The following CADPS variants were observed in gnomAD, a reference collection of about 807,000 sequenced individuals.
CADPS encodes the protein calcium-dependent secretion activator 1.
Under a neutral mutation model 167.3 loss-of-function variants are expected in CADPS, and 57 were observed. That is an observed-to-expected ratio of 0.34 (90% CI 0.28 to 0.42). The LOEUF is 0.42. Ranked by LOEUF, CADPS falls within the 20% of genes least tolerant of loss-of-function variation. The pLI, the probability that CADPS is intolerant of heterozygous loss-of-function variation, is 1.00. For synonymous variants in CADPS, 676 were observed against 635.3 expected, an observed-to-expected ratio of 1.06 and a Z score of -0.96; for missense variants, 1,414 against 1,738.1, an observed-to-expected ratio of 0.81 and a Z score of 3.32.
chr3:62,420,017 C>G lies in CADPS; in HGVS notation c.3778-16832G>C, dbSNP rs759497834. Among the ~76,000 whole-genome samples, 4 of 152,012 alleles carry G rather than the reference C, an allele frequency of 2.6e-5. No individual in the cohort carries two copies. The highest frequency in any genetic ancestry group is 4.4e-5 in the Non-Finnish European group (3 of 68,004). On this transcript the variant is annotated intron_variant, in intron 28 of 29. Coordinates refer to ENST00000383710, the MANE Select transcript of CADPS (RefSeq NM_003716.4). The surrounding 1 kb of genome is among the most constrained non-coding windows in gnomAD (Gnocchi z 4.1). ...AAATTGACTTTAGGGAGTTGCTTTC[C>G]CGGGCTGAGGTGGTTTTCATCATTA...
intron 7 of CADPS, among the ~76,000 whole-genome samples, chr3:62,591,565 G>C (rs930472526): frequency 6.6e-6 from 1 of 152,160 alleles, no homozygotes; most frequent in African/African-American, 2.4e-5. Flanking sequence ...GGCAGCAGAT[G>C]GGGGTGAAGA....
At chr3:62,682,961 G>C (rs1425418163) in intron 3 of CADPS, among the ~76,000 whole-genome samples, 5 of 152,066 alleles carry the variant, frequency 3.3e-5, no homozygotes, top group Admixed American at 2.6e-4. Flanking sequence ...AAGATAAGTA[G>C]AAGTTAACCA....
intron 3 of CADPS, among the ~76,000 whole-genome samples, chr3:62,698,422 A>G (rs1228964709): frequency 1.3e-5 from 2 of 152,030 alleles, no homozygotes; most frequent in Non-Finnish European, 2.9e-5. Flanking sequence ...TGGCCTGCCC[A>G]GGTACGATGT....
At chr3:62,706,509 AACAGCAG>A (rs1341651135) in intron 3 of CADPS, among the ~76,000 whole-genome samples, 1 of 152,108 alleles carries the variant, frequency 6.6e-6, no homozygotes, top group African/African-American at 2.4e-5. Context: ...GGGTGGCTTA[AACAGCAG>A]AAATGTATTG....
chr3:62,638,109 C>CTATATATATATATATA, intron 6 of CADPS, among the ~76,000 whole-genome samples: 1 of 131,594 alleles, frequency 7.6e-6, no homozygotes, highest in Non-Finnish European at 1.6e-5. Context: ...ATATATATAG[C>CTATATATATATATATA]AATTAATTTT....
chr3:62,866,485 G>A (rs751656448), intron 1 of CADPS, among the ~76,000 whole-genome samples: 7 of 151,878 alleles, frequency 4.6e-5, no homozygotes, highest in Non-Finnish European at 7.4e-5. Flanking sequence ...GTGTAAAAAG[G>A]GTAATTTAAA....
chr3:62,567,338 C>T (rs1332314426), intron 9 of CADPS, among the ~76,000 whole-genome samples: 1 of 152,188 alleles, frequency 6.6e-6, no homozygotes, highest in East Asian at 1.9e-4. Context: ...TCTCCTCTCT[C>T]TTCCTTTTTC....
intron 6 of CADPS, among the ~76,000 whole-genome samples, chr3:62,631,761 C>T (rs966332580): frequency 2.0e-5 from 3 of 152,094 alleles, no homozygotes; most frequent in African/African-American, 7.2e-5. Flanking sequence ...ACAGCTGAAC[C>T]ATATCTTAAT....
chr3:62,629,130 A>C (rs1056414889), intron 6 of CADPS, among the ~76,000 whole-genome samples: 1 of 152,188 alleles, frequency 6.6e-6, no homozygotes, highest in African/African-American at 2.4e-5. Context: ...CTTTAGTGAG[A>C]GATCATTTAC....
At chr3:62,869,448 A>G (rs929324172) in intron 1 of CADPS, among the ~76,000 whole-genome samples, 2 of 152,090 alleles carry the variant, frequency 1.3e-5, no homozygotes, top group African/African-American at 4.8e-5. Context: ...TCTGCTACCT[A>G]GTGTTCTTCT....
intron 3 of CADPS, among the ~76,000 whole-genome samples, chr3:62,683,269 A>C (rs1176173220): frequency 1.3e-5 from 2 of 152,082 alleles, no homozygotes; most frequent in Admixed American, 6.6e-5. Context: ...TGAGCATTAC[A>C]TAAACATCAT....
intron 5 of CADPS, among the ~76,000 whole-genome samples, chr3:62,647,912 A>C (rs1284849557): frequency 3.9e-5 from 6 of 152,130 alleles, no homozygotes; most frequent in Non-Finnish European, 8.8e-5. Flanking sequence ...CATTCTACAA[A>C]CACCTGTTGC....
chr3:62,720,343 T>TTTTTA (rs2075530314), intron 3 of CADPS, among the ~76,000 whole-genome samples: 1 of 151,244 alleles, frequency 6.6e-6, no homozygotes, highest in African/African-American at 2.4e-5. Flanking sequence ...GTTTGTTTGT[T>TTTTTA]TTTTTTTGAA....
At chr3:62,829,523 T>C (rs931013151) in intron 1 of CADPS, among the ~76,000 whole-genome samples, 1 of 152,102 alleles carries the variant, frequency 6.6e-6, no homozygotes, top group Non-Finnish European at 1.5e-5. Flanking sequence ...GAATATTGTA[T>C]GAATAAAGGT....
chr3:62,533,188 T>C (rs2074061584), intron 12 of CADPS, 130 bp from the exon 13 acceptor site: 3 of 714,784 alleles, frequency 4.2e-6, no homozygotes, highest in South Asian at 1.8e-5. Context: ...TTGCCTATTA[T>C]GTGCCAGCCA....
In CADPS at chr3:62,613,758, G is replaced by C. The variant is rs114150036; in HGVS notation, c.1326-21010C>G. ...TCTCCTAGACATATATTGGTGTCTTGATGAAATCGGGTAAAACCGATAGCT... is the reference window on the plus strand; with the variant it reads ...TCTCCTAGACATATATTGGTGTCTTCATGAAATCGGGTAAAACCGATAGCT... On this transcript the variant is annotated intron_variant, in intron 6 of 29. Transcript: ENST00000383710. 5.0e-3 allele frequency among the ~76,000 whole-genome samples: 767 copies of C among 152,308 alleles called. 7 individuals carry two copies. The highest frequency in any genetic ancestry group is 0.018 in the African/African-American group (738 of 41,570).
intron 3 of CADPS, among the ~76,000 whole-genome samples, chr3:62,745,434 A>T (rs2081253135): frequency 6.6e-6 from 1 of 152,216 alleles, no homozygotes; most frequent in Non-Finnish European, 1.5e-5. Flanking sequence ...TACATCTGGC[A>T]AGCAAAGTCA....
intron 6 of CADPS, among the ~76,000 whole-genome samples, chr3:62,605,152 A>G (rs1450196720): frequency 6.6e-6 from 1 of 152,204 alleles, no homozygotes; most frequent in Admixed American, 6.5e-5. Flanking sequence ...GGCAAAAGCC[A>G]CTGACAGGCT....
chr3:62,800,352 T>A (rs1576581510), intron 1 of CADPS, among the ~76,000 whole-genome samples: 1 of 152,280 alleles, frequency 6.6e-6, no homozygotes, highest in East Asian at 1.9e-4. Flanking sequence ...AAAGCAAATA[T>A]TAAGGTCATC....
Sources: gnomAD v4.1 joint callset for allele counts (sites outside exome capture counted in the v4.1 genomes callset) on GRCh38, gnomAD v4.1.1 for gene constraint, Gnocchi (gnomAD v3.1) non-coding constraint, MANE v1.5 for transcripts, NCBI Gene and HGNC (gene_info 2026-07-23, HGNC 2026-07-21) for gene names.